The following PDE4DIP variants were observed in gnomAD, a reference collection of about 807,000 sequenced individuals.
PDE4DIP encodes myomegalin.
PDE4DIP carries 59 observed loss-of-function variants against 221.4 expected under a neutral mutation model. The ratio of observed to expected loss-of-function variants is 0.27; its 90% CI spans 0.22 to 0.33. The LOEUF (loss-of-function observed/expected upper bound fraction) is 0.33, where lower values mean the gene tolerates loss of function less well. Among genes scored for constraint, PDE4DIP ranks in the 10% least tolerant of loss-of-function variants. PDE4DIP has a pLI of 1.00. For synonymous variants in PDE4DIP, 404 were observed against 815.9 expected, an observed-to-expected ratio of 0.50 and a Z score of 8.60; for missense variants, 1,036 against 2,154.2, an observed-to-expected ratio of 0.48 and a Z score of 10.28.
At chr1:148,987,916 CAAAA>C (rs782434151) in intron 21 of PDE4DIP, among the ~76,000 whole-genome samples, 2 of 151,968 alleles carry the variant, frequency 1.3e-5, no homozygotes, top group Admixed American at 6.6e-5. Context: ...CAAAATAAAA[CAAAA>C]AAAGAGGTCA....
At chr1:149,010,474 G>A in exon 31 of PDE4DIP, 1 of 1,613,080 alleles carries the variant, frequency 6.2e-7, no homozygotes. Context: ...ATTCTGCTGT[G>A]TTGTCTTCTA....
At chr1:148,934,246 G>A (rs1261100293) in intron 4 of PDE4DIP, among the ~76,000 whole-genome samples, 2 of 152,046 alleles carry the variant, frequency 1.3e-5, no homozygotes, top group African/African-American at 4.8e-5. Context: ...ACAATTCTCA[G>A]TATGGTACTG....
chr1:148,962,289 G>A lies in PDE4DIP; in HGVS notation c.981+1G>A, dbSNP rs782120559. On this transcript the variant is annotated splice_donor_variant, in intron 8 of 43. Coordinates refer to ENST00000369354, the Ensembl canonical transcript of PDE4DIP. LOFTEE classifies it high-confidence loss of function. ...CCAAAGCCAGCTTGGACAACTTCAC[G>A]TATGTGAGGGTCACGTAGGACAGGA... 15 of 1,540,294 alleles carry A rather than the reference G, an allele frequency of 9.7e-6. No individual in the cohort carries two copies. Among genetic ancestry groups the A allele is most frequent in the Non-Finnish European group, 1.3e-5 (15 of 1,118,414 alleles).
At chr1:148,974,946 T>G (rs1344605378) in intron 17 of PDE4DIP, among the ~76,000 whole-genome samples, 1 of 88,180 alleles carries the variant, frequency 1.1e-5, no homozygotes, top group Non-Finnish European at 2.3e-5. Flanking sequence ...GGCGGATCAC[T>G]TGATCCGCTC....
intron 5 of PDE4DIP, among the ~76,000 whole-genome samples, chr1:148,949,038 A>T (rs1368166719): frequency 6.6e-6 from 1 of 152,194 alleles, no homozygotes; most frequent in African/African-American, 2.4e-5. Context: ...TGTTTTCAAG[A>T]TGTATCCACG....
rs1190612474 is a variant in PDE4DIP at position 148,859,554 on chromosome 1, C to T, written c.234-3696C>T. On this transcript the variant is annotated intron_variant, in intron 1 of 45. Coordinates refer to the PDE4DIP transcript ENST00000524974. ...TAAGACATTGAGGAAAAATATAGTT[C>T]ATTTATACAGAAAAAGCAAAATTTT... is the stretch of plus-strand genomic sequence containing the variant. 2.0e-5 allele frequency among the ~76,000 whole-genome samples: 3 copies of T among 152,282 alleles called. No homozygotes were observed. The East Asian group carries it at 5.8e-4, about 29-fold the overall frequency.
intron 7 of PDE4DIP, 113 bp downstream of exon 10, chr1:148,962,069 G>A: frequency 1.4e-6 from 1 of 695,298 alleles, no homozygotes; most frequent in Non-Finnish European, 2.6e-6. Flanking sequence ...GTCTTAGCCT[G>A]GAGAAGTTGT....
At chr1:149,031,798 A>G in intron 43 of PDE4DIP, 146 bp from the exon 47 acceptor site, 1 of 736,314 alleles carries the variant, frequency 1.4e-6, no homozygotes, top group Non-Finnish European at 2.4e-6. Flanking sequence ...TCCAGACTGC[A>G]GCGCATGCTC....
chr1:148,969,898 G>A (rs1553523597), intron 14 of PDE4DIP, among the ~76,000 whole-genome samples: 1 of 151,952 alleles, frequency 6.6e-6, no homozygotes, highest in African/African-American at 2.4e-5. Context: ...TAGAGATGGG[G>A]TTTCACCATG....
intron 43 of PDE4DIP, chr1:149,030,765 G>C: frequency 7.1e-6 from 7 of 985,136 alleles, no homozygotes; most frequent in Non-Finnish European, 8.4e-6. Flanking sequence ...ATATCTTTAA[G>C]TAACATGACA....
chr1:148,901,569 C>T (rs1400493575), intron 1 of PDE4DIP, among the ~76,000 whole-genome samples: 162 of 137,058 alleles, frequency 1.2e-3, no homozygotes, highest in Non-Finnish European at 2.1e-3. Flanking sequence ...TCATGTAAGC[C>T]CTGCTGCTGC....
intron 19 of PDE4DIP, among the ~76,000 whole-genome samples, chr1:148,978,851 A>G (rs1311389848): frequency 6.6e-6 from 1 of 152,100 alleles, no homozygotes; most frequent in Non-Finnish European, 1.5e-5. Flanking sequence ...CTGTGCTCTA[A>G]AATTTCCTAC....
exon 31 of PDE4DIP, chr1:149,010,566 C>T (rs1575327346): frequency 1.2e-6 from 2 of 1,613,976 alleles, no homozygotes; most frequent in Non-Finnish European, 1.7e-6. Flanking sequence ...CCCCAGAATA[C>T]CCCCAAGGAG....
exon 41 of PDE4DIP, chr1:149,028,631 A>T (rs1699754): frequency 1.3e-6 from 2 of 1,563,938 alleles, no homozygotes; most frequent in East Asian, 2.6e-5. Context: ...TAGAGGAGTC[A>T]GCTTCCCTCC....
At chr1:149,010,489 A>G (rs148165371) in exon 31 of PDE4DIP, 12 of 1,612,378 alleles carry the variant, frequency 7.4e-6, no homozygotes, top group Middle Eastern at 1.7e-4. Context: ...CTTCTAAACC[A>G]TCATCAACCA....
chr1:148,984,742 A>G (rs370710098), intron 21 of PDE4DIP: 1 of 152,130 alleles, frequency 6.6e-6, no homozygotes, highest in African/African-American at 2.4e-5. Flanking sequence ...ATAAAGGTTG[A>G]CTGAGCTACC....
intron 1 of PDE4DIP, among the ~76,000 whole-genome samples, chr1:148,896,513 A>G (rs2039318385): frequency 6.7e-6 from 1 of 148,786 alleles, no homozygotes; most frequent in Non-Finnish European, 1.5e-5. Context: ...ATGGGAAAGG[A>G]GGAACATAAG....
chr1:148,987,099 C>T (rs1553550699), intron 21 of PDE4DIP, among the ~76,000 whole-genome samples: 1 of 152,144 alleles, frequency 6.6e-6, no homozygotes, highest in African/African-American at 2.4e-5. Flanking sequence ...TTGGCCTTTT[C>T]AAGTAACTTA....
intron 43 of PDE4DIP, chr1:149,030,899 G>A (rs1480131212): frequency 2.1e-6 from 1 of 479,430 alleles, no homozygotes; most frequent in Non-Finnish European, 2.7e-6. Flanking sequence ...AACACTAAGT[G>A]TTAATCATTC....
Sources: allele counts gnomAD v4.1 joint callset (sites outside exome capture counted in the v4.1 genomes callset), GRCh38; gene constraint gnomAD v4.1.1; transcripts MANE v1.5; gene names NCBI Gene and HGNC (gene_info 2026-07-23, HGNC 2026-07-21).